The following PDE10A variants were observed in gnomAD, a reference collection of about 807,000 sequenced individuals.
PDE10A encodes cAMP and cAMP-inhibited cGMP 3',5'-cyclic phosphodiesterase 10A.
A neutral mutation model predicts 97.7 loss-of-function variants in PDE10A; 39 were observed. The observed-to-expected ratio is 0.40, with a 90% CI of 0.31 to 0.52. The LOEUF is 0.52. PDE10A is among the 20% of genes least tolerant of loss of function. The pLI, the probability that PDE10A is intolerant of heterozygous loss-of-function variation, is 0.56. For missense variants in PDE10A, 731 were observed against 1,047.8 expected, an observed-to-expected ratio of 0.70 and a Z score of 4.17; for synonymous variants, 371 against 376.8, an observed-to-expected ratio of 0.98 and a Z score of 0.18.
chr6:165,578,700 C>T lies in PDE10A; in HGVS notation c.866-35132G>A, dbSNP rs114409181. ...CTTTTTCTGTTTTTTTCTTACATGG[C>T]ATAATATAAAGTCCGTCTCTCCAAT... On this transcript the variant is annotated intron_variant, in intron 1 of 21. Transcript: ENST00000539869. Among the ~76,000 whole-genome samples the T allele has an allele frequency of 5.8e-3, 882 of 152,240 alleles. 12 individuals carry two copies. The highest frequency in any genetic ancestry group is 0.02 in the African/African-American group (840 of 41,528).
chr6:165,778,746 T>C (rs1213483437), intron 1 of PDE10A, among the ~76,000 whole-genome samples: 1 of 152,246 alleles, frequency 6.6e-6, no homozygotes, highest in Admixed American at 6.5e-5. Context: ...TTTAAACTTA[T>C]GTTTTTAAGG....
At chr6:165,517,370 TAAGAC>T (rs1276296537) in intron 2 of PDE10A, among the ~76,000 whole-genome samples, 1 of 152,020 alleles carries the variant, frequency 6.6e-6, no homozygotes, top group East Asian at 1.9e-4. Flanking sequence ...GACAAAAACA[TAAGAC>T]AAGATAGTTC....
At chr6:165,730,072 T>C (rs1481985356) in intron 1 of PDE10A, among the ~76,000 whole-genome samples, 1 of 152,096 alleles carries the variant, frequency 6.6e-6, no homozygotes, top group Non-Finnish European at 1.5e-5. Context: ...TGTGTATCTA[T>C]CTTGTATATC....
intron 1 of PDE10A, among the ~76,000 whole-genome samples, chr6:165,559,339 G>T (rs1003691199): frequency 1.3e-5 from 2 of 152,190 alleles, no homozygotes; most frequent in African/African-American, 4.8e-5. Context: ...CATCCATTTT[G>T]ATAATAGCTG....
At chr6:165,816,788 T>C (rs1779426832) in intron 1 of PDE10A, among the ~76,000 whole-genome samples, 1 of 152,184 alleles carries the variant, frequency 6.6e-6, no homozygotes, top group Non-Finnish European at 1.5e-5. Context: ...GATGCATCTC[T>C]TGGCCCTGGG....
At chr6:165,634,443 A>T (rs1788780990) in intron 1 of PDE10A, among the ~76,000 whole-genome samples, 1 of 152,188 alleles carries the variant, frequency 6.6e-6, no homozygotes, top group South Asian at 2.1e-4. Context: ...AAGGTAACAC[A>T]CTCAGGATTG....
At position 165,575,780 on chromosome 6, in the gene PDE10A, A is replaced by C. The variant is rs1785272401; in HGVS notation, c.866-32212T>G. Among the ~76,000 whole-genome samples, 4 of 152,354 alleles carry C rather than the reference A, an allele frequency of 2.6e-5. No individual in the cohort carries two copies. In the South Asian group the frequency reaches 8.3e-4, roughly 32 times the overall value. ...CAATGATTTCATTCCCCATAACTGCACTAAAATCATTTTTTGGTTAAACCA... is the reference window on the plus strand; with the variant it reads ...CAATGATTTCATTCCCCATAACTGCCCTAAAATCATTTTTTGGTTAAACCA... On this transcript the variant is annotated intron_variant, in intron 1 of 21. Transcript: ENST00000539869.
At chr6:165,758,663 AGAG>A (rs1793181730) in intron 1 of PDE10A, among the ~76,000 whole-genome samples, 1 of 148,378 alleles carries the variant, frequency 6.7e-6, no homozygotes, top group South Asian at 2.2e-4. Flanking sequence ...AGGAGGAGGA[AGAG>A]GAGGAAGAGG....
At chr6:165,817,066 T>C (rs1213960961) in intron 1 of PDE10A, among the ~76,000 whole-genome samples, 1 of 152,088 alleles carries the variant, frequency 6.6e-6, no homozygotes, top group Non-Finnish European at 1.5e-5. Flanking sequence ...CCAACAACCG[T>C]GCTCAGGAAG....
At chr6:165,885,826 T>C (rs1781616586) in intron 1 of PDE10A, among the ~76,000 whole-genome samples, 1 of 152,224 alleles carries the variant, frequency 6.6e-6, no homozygotes, top group Admixed American at 6.5e-5. Context: ...TGTGTAGACA[T>C]GTGTATGCAT....
intron 1 of PDE10A, among the ~76,000 whole-genome samples, chr6:165,982,239 T>C (rs1047663347): frequency 8.5e-5 from 13 of 152,184 alleles, no homozygotes; most frequent in Admixed American, 7.2e-4. Context: ...AAATGTCCCC[T>C]AGATTCATTC....
intron 2 of PDE10A, among the ~76,000 whole-genome samples, chr6:165,493,827 T>C (rs1780363026): frequency 1.3e-5 from 2 of 152,094 alleles, no homozygotes; most frequent in Non-Finnish European, 2.9e-5. Flanking sequence ...TAGATGGGAC[T>C]TCCTTAAACT....
chr6:165,879,272 T>C (rs947383347), intron 1 of PDE10A, among the ~76,000 whole-genome samples: 12 of 152,242 alleles, frequency 7.9e-5, no homozygotes. Flanking sequence ...ATCTTTGAAA[T>C]GGTGAATTTT....
In PDE10A at chr6:165,711,589, C is replaced by T. The variant is rs1310287550; in HGVS notation, c.-614-168021G>A. Among the ~76,000 whole-genome samples, 5 of 152,194 alleles carry T rather than the reference C, an allele frequency of 3.3e-5. No homozygotes were observed. The highest frequency in any genetic ancestry group is 2.1e-4 in the South Asian group (1 of 4,822). ...TCTAGATCCTCCAGCCAGGCCCAAA[C>T]GCTGAGGAATGTGAGTGTGTGTCTT... On this transcript the variant is annotated intron_variant, in intron 1 of 19. Coordinates refer to the PDE10A transcript ENST00000366882. This position sits in a 1 kb window ranked among gnomAD's most constrained non-coding sequence, Gnocchi z 4.5.
In PDE10A at chr6:165,671,568, C is replaced by T. The variant is rs1354205524; in HGVS notation, c.-614-128000G>A. Among the ~76,000 whole-genome samples the T allele has an allele frequency of 2.0e-5, 3 of 152,168 alleles. No homozygotes were observed. Among genetic ancestry groups the T allele is most frequent in the African/African-American group, 7.2e-5 (3 of 41,428 alleles). On this transcript the variant is annotated intron_variant, in intron 1 of 19. Transcript: ENST00000366882. This position sits in a 1 kb window ranked among gnomAD's most constrained non-coding sequence, Gnocchi z 4.6. Reference sequence around the variant, plus strand: ...GTTCAGCATGACTGCACTCAAAGGACCCAATTAATTCACTTCCATCACTAC... The same window carrying T: ...GTTCAGCATGACTGCACTCAAAGGATCCAATTAATTCACTTCCATCACTAC...
Position 165,332,970 on chromosome 6 carries a change from C to T in PDE10A, c.*55G>A. 1.7e-5 allele frequency: 10 copies of T among 574,842 alleles called. No homozygotes were observed. The highest frequency in any genetic ancestry group is 2.2e-5 in the Non-Finnish European group (7 of 311,886). The allele number at this position is 574,842 out of a possible 1,614,324, so 35.6% of individuals were successfully genotyped here. A position where few individuals can be genotyped will look rare whatever the true frequency, so the allele number is the denominator to read the frequency against. On this transcript the variant is annotated 3_prime_UTR_variant, in exon 22 of 22. Coordinates refer to ENST00000539869, the MANE Select transcript of PDE10A (RefSeq NM_001385079.1). ...CCCCCCAAAAAAAGGAAAAGAATGT[C>T]AAAGAAGCAAGATGAGGATCTGTAG...
intron 1 of PDE10A, among the ~76,000 whole-genome samples, chr6:165,617,242 C>T (rs1414064821): frequency 6.6e-6 from 1 of 152,160 alleles, no homozygotes; most frequent in Non-Finnish European, 1.5e-5. Context: ...GTGACCCTTG[C>T]AAAGGCCACA....
intron 1 of PDE10A, among the ~76,000 whole-genome samples, chr6:165,815,412 C>T (rs1156291695): frequency 6.6e-6 from 1 of 152,080 alleles, no homozygotes; most frequent in Non-Finnish European, 1.5e-5. Flanking sequence ...CATTTGACAC[C>T]GTGGTGTAGA....
intron 10 of PDE10A, among the ~76,000 whole-genome samples, chr6:165,420,976 TATAA>T (rs1271424071): frequency 1.3e-5 from 2 of 152,092 alleles, no homozygotes; most frequent in Admixed American, 6.5e-5. Context: ...GAAGAAAAGT[TATAA>T]ATAAAAATTC....
Sources: allele counts gnomAD v4.1 joint callset (sites outside exome capture counted in the v4.1 genomes callset), GRCh38; gene constraint gnomAD v4.1.1; non-coding constraint Gnocchi (gnomAD v3.1); transcripts MANE v1.5; gene names NCBI Gene and HGNC (gene_info 2026-07-23, HGNC 2026-07-21).